Variants in PPP2R2B observed in about 807,000 individuals in gnomAD.
PPP2R2B encodes serine/threonine-protein phosphatase 2A 55 kDa regulatory subunit B beta isoform.
Under a neutral mutation model 46.0 loss-of-function variants are expected in PPP2R2B, and 5 were observed. The ratio of observed to expected loss-of-function variants is 0.11; its 90% CI spans 0.06 to 0.23. The LOEUF (loss-of-function observed/expected upper bound fraction) is 0.23, where lower values mean the gene tolerates loss of function less well. Ranked by LOEUF, PPP2R2B falls within the 10% of genes least tolerant of loss-of-function variation. The probability of loss-of-function intolerance (pLI) is 1.00; values close to 1 mark genes in which losing one functional copy is unlikely to be tolerated. For synonymous variants in PPP2R2B, 215 were observed against 206.7 expected (o/e 1.04, Z -0.34); for missense variants, 367 against 575.0 (o/e 0.64, Z 3.70).
chr5:146,857,828 C>A (rs1029529713), intron 2 of PPP2R2B, among the ~76,000 whole-genome samples: 2 of 152,122 alleles, frequency 1.3e-5, no homozygotes, highest in African/African-American at 4.8e-5. Context: ...GCTGGGATTA[C>A]AGGCATGTGC....
At chr5:146,716,038 C>T (rs1327312737) in intron 2 of PPP2R2B, among the ~76,000 whole-genome samples, 1 of 152,054 alleles carries the variant, frequency 6.6e-6, no homozygotes, top group Middle Eastern at 3.2e-3. Context: ...ATTAATTGTG[C>T]CTGTTGACAT....
At chr5:146,997,493 C>T (rs1753977156) in intron 1 of PPP2R2B, among the ~76,000 whole-genome samples, 1 of 152,146 alleles carries the variant, frequency 6.6e-6, no homozygotes, top group Non-Finnish European at 1.5e-5. Flanking sequence ...ACATCCCTGA[C>T]AATTTCAAGT....
rs1372802138 is a variant in PPP2R2B at position 146,754,409 on chromosome 5, T to C, written c.71-53267A>G. On this transcript the variant is annotated intron_variant, in intron 2 of 9. Coordinates refer to ENST00000394411, the MANE Select transcript of PPP2R2B (RefSeq NM_181675.4). ...AAAGAGAATGAAGTTGACCCCCATGTATTGTCATGGAAAACTAAGATTGTT... is the reference window on the plus strand; with the variant it reads ...AAAGAGAATGAAGTTGACCCCCATGCATTGTCATGGAAAACTAAGATTGTT... Among the ~76,000 whole-genome samples the C allele has an allele frequency of 4.6e-5, 7 of 152,344 alleles. No individual in the cohort carries two copies. The South Asian group carries it at 1.2e-3, about 27-fold the overall frequency.
At chr5:146,686,715 A>G (rs1778522975) in intron 5 of PPP2R2B, among the ~76,000 whole-genome samples, 1 of 152,172 alleles carries the variant, frequency 6.6e-6, no homozygotes, top group African/African-American at 2.4e-5. Context: ...AACCTGGCCT[A>G]GGTTCCCAGG....
intron 2 of PPP2R2B, among the ~76,000 whole-genome samples, chr5:146,745,983 G>T (rs1753169994): frequency 6.6e-6 from 1 of 151,734 alleles, no homozygotes; most frequent in South Asian, 2.1e-4. Context: ...AAGATAAATT[G>T]TCCTAGAAAT....
chr5:146,704,238 T>C (rs1010741453), intron 2 of PPP2R2B, among the ~76,000 whole-genome samples: 17 of 152,218 alleles, frequency 1.1e-4, no homozygotes, highest in African/African-American at 3.9e-4. Flanking sequence ...TACTCTTGTG[T>C]TTGCAGCATG....
chr5:146,873,012 T>C (rs994863706), intron 2 of PPP2R2B, among the ~76,000 whole-genome samples: 2 of 152,220 alleles, frequency 1.3e-5, no homozygotes, highest in Non-Finnish European at 2.9e-5. Context: ...GTCTTTCTCT[T>C]GAGCTTCAGA....
chr5:146,884,089 G>GTTTTTTTT (rs372611320), intron 1 of PPP2R2B, among the ~76,000 whole-genome samples: 3 of 104,690 alleles, frequency 2.9e-5, no homozygotes, highest in African/African-American at 3.9e-5. Flanking sequence ...TAAATTCAGG[G>GTTTTTTTT]TTTTTTTTTT....
At chr5:146,763,599 T>A (rs1298159511) in intron 2 of PPP2R2B, among the ~76,000 whole-genome samples, 5 of 152,188 alleles carry the variant, frequency 3.3e-5, no homozygotes, top group African/African-American at 9.6e-5. Context: ...GTGAAAATAA[T>A]TTATTAGCCA....
Position 146,878,259 on chromosome 5 carries a change from C to T in PPP2R2B, c.-124-64G>A. ...AAACCCGGCAATGGAGCTGTCACCT[C>T]CTCCACTCGGGTTCTGCGAGGCTGC... On this transcript the variant is annotated intron_variant, in intron 1 of 9. Coordinates refer to ENST00000394411, the MANE Select transcript of PPP2R2B (RefSeq NM_181675.4). This position sits in a 1 kb window ranked among gnomAD's most constrained non-coding sequence, Gnocchi z 4.5. The T allele has an allele frequency of 1.3e-6, 2 of 1,494,672 alleles. No individual in the cohort carries two copies. Among genetic ancestry groups the T allele is most frequent in the Non-Finnish European group, 1.8e-6 (2 of 1,124,816 alleles). The allele number at this position is 1,494,672 out of a possible 1,614,324, so 92.6% of individuals were successfully genotyped here.
chr5:146,691,117 T>C lies in PPP2R2B; in HGVS notation c.447+11A>G. ...CTGACTGTGGTGGCCAGGGCAGCTGTTTGCACTCACCCGCAGGGTTGTGAT... is the reference window on the plus strand; with the variant it reads ...CTGACTGTGGTGGCCAGGGCAGCTGCTTGCACTCACCCGCAGGGTTGTGAT... On this transcript the variant is annotated intron_variant, in intron 5 of 9. Transcript: ENST00000394411. 6.2e-7 allele frequency: 1 copy of C among 1,612,192 alleles called. No homozygotes were observed. Among genetic ancestry groups the C allele is most frequent in the Non-Finnish European group, 8.5e-7 (1 of 1,178,722 alleles).
intron 2 of PPP2R2B, among the ~76,000 whole-genome samples, chr5:146,755,415 C>A (rs1753780055): frequency 6.6e-6 from 1 of 152,212 alleles, no homozygotes; most frequent in African/African-American, 2.4e-5. Context: ...ATCAGCGGAG[C>A]TCTCCAACCT....
At chr5:147,033,065 C>T (rs1263052745) in intron 1 of PPP2R2B, among the ~76,000 whole-genome samples, 1 of 152,056 alleles carries the variant, frequency 6.6e-6, no homozygotes, top group East Asian at 1.9e-4. Context: ...TGAGACCATG[C>T]TATAGTGACA....
chr5:146,760,323 C>A (rs1300862134), intron 2 of PPP2R2B, among the ~76,000 whole-genome samples: 2 of 152,110 alleles, frequency 1.3e-5, no homozygotes, highest in African/African-American at 4.8e-5. Flanking sequence ...ATTTTCACTG[C>A]ATAGCTAGTA....
At chr5:146,680,434 T>C (rs190244020) in intron 5 of PPP2R2B, among the ~76,000 whole-genome samples, 2,211 of 151,198 alleles carry the variant, frequency 0.015, 22 homozygotes, top group South Asian at 0.023. Context: ...TTGGGAGATA[T>C]ACCTAATGCT....
chr5:146,964,327 A>G (rs1342423835), intron 1 of PPP2R2B, among the ~76,000 whole-genome samples: 1 of 152,214 alleles, frequency 6.6e-6, no homozygotes, highest in African/African-American at 2.4e-5. Context: ...GCAAAATATA[A>G]ATACTCTAAT....
chr5:146,632,306 C>G (rs1027948407), intron 7 of PPP2R2B, among the ~76,000 whole-genome samples: 1 of 152,128 alleles, frequency 6.6e-6, no homozygotes, highest in African/African-American at 2.4e-5. Flanking sequence ...TGGAACTGAT[C>G]CTTCTTTCGT....
intron 1 of PPP2R2B, among the ~76,000 whole-genome samples, chr5:147,005,756 G>C (rs1754407875): frequency 6.6e-6 from 1 of 152,016 alleles, no homozygotes; most frequent in South Asian, 2.1e-4. Context: ...AGAAGGAAAG[G>C]AAGAGACAAA....
intron 2 of PPP2R2B, among the ~76,000 whole-genome samples, chr5:146,803,585 C>A (rs1282070460): frequency 6.6e-6 from 1 of 152,018 alleles, no homozygotes; most frequent in Non-Finnish European, 1.5e-5. Flanking sequence ...AGTCATGCAG[C>A]TTTATTTAAG....
Sources: allele counts gnomAD v4.1 joint callset (sites outside exome capture counted in the v4.1 genomes callset), GRCh38; gene constraint gnomAD v4.1.1; non-coding constraint Gnocchi (gnomAD v3.1); transcripts MANE v1.5; gene names NCBI Gene and HGNC (gene_info 2026-07-23, HGNC 2026-07-21).